Variants in MITF observed in about 807,000 individuals in gnomAD.
MITF encodes microphthalmia-associated transcription factor.
A neutral mutation model predicts 60.5 loss-of-function variants in MITF; 17 were observed. That is an observed-to-expected ratio of 0.28 (90% CI 0.19 to 0.42). The LOEUF (loss-of-function observed/expected upper bound fraction) is 0.42, where lower values mean the gene tolerates loss of function less well. Among genes scored for constraint, MITF ranks in the 10% least tolerant of loss-of-function variants. The pLI is 1.00. For synonymous variants in MITF, 260 were observed against 248.5 expected (o/e 1.05, Z -0.43); for missense variants, 622 against 683.5 (o/e 0.91, Z 1.00).
chr3:69,886,041 G>C (rs2064608361), intron 2 of MITF, among the ~76,000 whole-genome samples: 1 of 152,214 alleles, frequency 6.6e-6, no homozygotes, highest in Middle Eastern at 3.4e-3. Context: ...AGTCACCCAA[G>C]TAGGTGGTGC....
At chr3:69,954,955 A>G (rs1202383306) in intron 7 of MITF, among the ~76,000 whole-genome samples, 1 of 152,204 alleles carries the variant, frequency 6.6e-6, no homozygotes, top group Non-Finnish European at 1.5e-5. Context: ...ACTTTAATCC[A>G]TTTTGTTAGA....
At chr3:69,957,239 A>G (rs2066422120) in intron 8 of MITF, among the ~76,000 whole-genome samples, 1 of 152,142 alleles carries the variant, frequency 6.6e-6, no homozygotes, top group African/African-American at 2.4e-5. Flanking sequence ...ATCCATTAGA[A>G]ATTGGCCCAT....
chr3:69,915,407 C>T (rs1362811671), intron 2 of MITF, among the ~76,000 whole-genome samples: 1 of 151,842 alleles, frequency 6.6e-6, no homozygotes, highest in Non-Finnish European at 1.5e-5. Flanking sequence ...TGAATCATAC[C>T]ACACAATTCT....
chr3:69,760,144 T>C (rs2062191456), intron 1 of MITF, among the ~76,000 whole-genome samples: 1 of 152,204 alleles, frequency 6.6e-6, no homozygotes, highest in Non-Finnish European at 1.5e-5. Flanking sequence ...ATCTTTAAAG[T>C]TGACTGAGGC....
chr3:69,835,207 C>T (rs997153031), intron 1 of MITF, among the ~76,000 whole-genome samples: 2 of 151,616 alleles, frequency 1.3e-5, no homozygotes, highest in East Asian at 1.9e-4. Context: ...TTGTAGAGAC[C>T]GGGTGTTGCC....
chr3:69,953,105 A>G (rs917248071), intron 7 of MITF, among the ~76,000 whole-genome samples: 2 of 151,910 alleles, frequency 1.3e-5, no homozygotes, highest in Non-Finnish European at 2.9e-5. Flanking sequence ...TAAAAGCTAC[A>G]CCCCTCCCCA....
At chr3:69,826,670 T>C (rs1345645227) in intron 1 of MITF, among the ~76,000 whole-genome samples, 1 of 152,204 alleles carries the variant, frequency 6.6e-6, no homozygotes, top group African/African-American at 2.4e-5. Context: ...TCATTGGCAA[T>C]GGGCTTACTA....
chr3:69,925,213 TG>T (rs2065558787), intron 2 of MITF, among the ~76,000 whole-genome samples: 1 of 152,154 alleles, frequency 6.6e-6, no homozygotes, highest in Non-Finnish European at 1.5e-5. Flanking sequence ...GTAGGATCCA[TG>T]AGCCCATTTT....
At chr3:69,864,594 G>T (rs759960859) in intron 1 of MITF, among the ~76,000 whole-genome samples, 5 of 152,096 alleles carry the variant, frequency 3.3e-5, no homozygotes, top group Non-Finnish European at 5.9e-5. Flanking sequence ...CAACCAGAGA[G>T]ACCTTTCTAA....
At chr3:69,851,477 TAGAA>T (rs2063823476) in intron 1 of MITF, among the ~76,000 whole-genome samples, 1 of 152,112 alleles carries the variant, frequency 6.6e-6, no homozygotes, top group East Asian at 1.9e-4. Flanking sequence ...TAATTAGCGA[TAGAA>T]AGGAACAAGC....
chr3:69,816,056 A>G (rs1455975735), intron 1 of MITF, among the ~76,000 whole-genome samples: 4 of 152,144 alleles, frequency 2.6e-5, no homozygotes, highest in African/African-American at 9.7e-5. Flanking sequence ...CCAGCCCTTG[A>G]TGAGCTCTGA....
chr3:69,786,592 C>T (rs575349378), intron 1 of MITF, among the ~76,000 whole-genome samples: 34 of 152,160 alleles, frequency 2.2e-4, no homozygotes, highest in African/African-American at 8.2e-4. Context: ...TCTTCAAGTT[C>T]TTATGGGTTG....
At chr3:69,821,842 CAG>C (rs2063280264) in intron 1 of MITF, among the ~76,000 whole-genome samples, 1 of 152,106 alleles carries the variant, frequency 6.6e-6, no homozygotes, top group African/African-American at 2.4e-5. Flanking sequence ...ACCTCTGTCT[CAG>C]GGGTTCTTGT....
chr3:69,834,004 T>C (rs1478751595), intron 1 of MITF, among the ~76,000 whole-genome samples: 1 of 152,204 alleles, frequency 6.6e-6, no homozygotes, highest in Non-Finnish European at 1.5e-5. Flanking sequence ...AAAACAAATA[T>C]TACCTTCATT....
chr3:69,804,855 C>T (rs2062979732), intron 1 of MITF, among the ~76,000 whole-genome samples: 1 of 152,158 alleles, frequency 6.6e-6, no homozygotes, highest in African/African-American at 2.4e-5. Flanking sequence ...CATGCTGAAT[C>T]CTGTCCCTTG....
At chr3:69,788,126 CTTTTTCT>C (rs1053524682) in intron 1 of MITF, among the ~76,000 whole-genome samples, 5 of 142,836 alleles carry the variant, frequency 3.5e-5, no homozygotes, top group African/African-American at 1.3e-4. Context: ...CCACTATTTT[CTTTTTCT>C]TTTTTTTTTT....
chr3:69,804,651 G>T (rs933750831), intron 1 of MITF, among the ~76,000 whole-genome samples: 1 of 152,192 alleles, frequency 6.6e-6, no homozygotes, highest in Admixed American at 6.5e-5. Flanking sequence ...TTTGTGATAT[G>T]AGAGCAAGTG....
chr3:69,798,088 C>T (rs897164105), intron 1 of MITF, among the ~76,000 whole-genome samples: 2 of 152,164 alleles, frequency 1.3e-5, no homozygotes, highest in African/African-American at 4.8e-5. Flanking sequence ...GTGTACCCAC[C>T]TTAGGCCTGT....
At chr3:69,781,054 A>C (rs2062555170) in intron 1 of MITF, among the ~76,000 whole-genome samples, 1 of 152,180 alleles carries the variant, frequency 6.6e-6, no homozygotes, top group Non-Finnish European at 1.5e-5. Flanking sequence ...AGTTTTTAGA[A>C]AACCACATAA....
Sources: gnomAD v4.1 joint callset for allele counts (sites outside exome capture counted in the v4.1 genomes callset) on GRCh38, gnomAD v4.1.1 for gene constraint, MANE v1.5 for transcripts, NCBI Gene and HGNC (gene_info 2026-07-23, HGNC 2026-07-21) for gene names.